Variants in TMEM67 observed in about 807,000 individuals in gnomAD.
The protein encoded by TMEM67 is transmembrane protein 67.
Under a neutral mutation model 136.6 loss-of-function variants are expected in TMEM67, and 124 were observed. The observed-to-expected ratio is 0.91, with a 90% confidence interval of 0.78 to 1.05. The LOEUF (loss-of-function observed/expected upper bound fraction) is 1.05, where lower values mean the gene tolerates loss of function less well. Ranked by LOEUF, TMEM67 falls within the 50% of genes least tolerant of loss-of-function variation. The probability of loss-of-function intolerance (pLI) is 0.00; values close to 1 mark genes in which losing one functional copy is unlikely to be tolerated. For synonymous variants in TMEM67, 364 were observed against 390.5 expected (o/e 0.93, Z 0.80); for missense variants, 1,107 against 1,178.4 (o/e 0.94, Z 0.89).
At position 93,804,829 on chromosome 8, in the gene TMEM67, A is replaced by G; in HGVS notation, c.2390A>G (p.His797Arg). ...YYIHGRSVHG[H>R]ADTNMEEMNM... is the part of the protein sequence containing the mutation. ...ATTCATGGTAGATCAGTACATGGGC[A>G]TGCAGATACTAATATGGAAGAAATG... Residue 797 changes from histidine to arginine, a missense_variant, in exon 23 of 28, where the codon CAT becomes CGT. By Grantham distance (29) the His-to-Arg change is conservative. Coordinates refer to ENST00000453321, the MANE Select transcript of TMEM67 (RefSeq NM_153704.6). The G allele has an allele frequency of 3.7e-6, 6 of 1,608,026 alleles. No individual in the cohort carries two copies. The highest frequency in any genetic ancestry group is 4.3e-6 in the Non-Finnish European group (5 of 1,174,726).
chr8:93,814,100 A>T (rs1356964717), intron 26 of TMEM67, among the ~76,000 whole-genome samples: 5 of 149,062 alleles, frequency 3.4e-5, no homozygotes, highest in African/African-American at 1.2e-4. Flanking sequence ...TTTCCCTGAA[A>T]TTGTTTAATT....
chr8:93,755,262 C>T lies in TMEM67; in HGVS notation c.223+125C>T, dbSNP rs1323325779. ...CTCGAACTTCTGACCTCAGGTGATC[C>T]ACCCGCCTCCGCCTCCCAAAGTGCT... On this transcript the variant is annotated intron_variant, in intron 1 of 27. Coordinates refer to ENST00000453321, the MANE Select transcript of TMEM67 (RefSeq NM_153704.6). 9.5e-6 allele frequency: 9 copies of T among 950,366 alleles called. No homozygotes were observed. The Admixed American group carries it at 1.7e-4, about 18-fold the overall frequency. The allele number at this position is 950,366 out of a possible 1,614,324, so 58.9% of individuals were successfully genotyped here.
chr8:93,764,501 AAC>A (rs5893257), intron 4 of TMEM67, among the ~76,000 whole-genome samples: 132,798 of 149,918 alleles, frequency 0.89, 58,965 homozygotes, highest in Middle Eastern at 0.98. Context: ...GTATTTGTGA[AAC>A]ACACACACAC....
intron 23 of TMEM67, among the ~76,000 whole-genome samples, chr8:93,806,499 A>G (rs545084386): frequency 1.3e-5 from 2 of 152,294 alleles, no homozygotes; most frequent in South Asian, 4.1e-4. Flanking sequence ...AAATATTAGT[A>G]ATTGCTGAAG....
rs146442983 is a variant in TMEM67 at position 93,778,644 on chromosome 8, C to G, written c.715-1949C>G. 6.3e-3 allele frequency among the ~76,000 whole-genome samples: 952 copies of G among 152,226 alleles called. 10 individuals carry two copies. Among genetic ancestry groups the G allele is most frequent in the African/African-American group, 0.022 (895 of 41,548 alleles). On this transcript the variant is annotated intron_variant, in intron 7 of 27. Transcript: ENST00000453321. ...AGTTTGGCTGGATATGAAATTCTGGCTTGAAAATTCTTTTCTTTAAGAATG... is the reference window on the plus strand; with the variant it reads ...AGTTTGGCTGGATATGAAATTCTGGGTTGAAAATTCTTTTCTTTAAGAATG...
intron 16 of TMEM67, 125 bp from the exon 17 acceptor site, chr8:93,795,284 G>A (rs1814557675): frequency 2.4e-6 from 2 of 821,196 alleles, no homozygotes; most frequent in African/African-American, 1.7e-5. Context: ...GATCATATGG[G>A]GATATGTGAA....
At chr8:93,826,699 T>G in the TMEM67 span, among the ~76,000 whole-genome samples, 3 of 152,242 alleles carry the variant, frequency 2.0e-5, no homozygotes, top group Non-Finnish European at 2.9e-5. Flanking sequence ...TTCCCTAATG[T>G]CATGATCCAC....
chr8:93,798,267 G>C (rs1358317543), intron 20 of TMEM67, among the ~76,000 whole-genome samples: 1 of 152,030 alleles, frequency 6.6e-6, no homozygotes, highest in Non-Finnish European at 1.5e-5. Context: ...CTATGCTCAG[G>C]CTCACCCTTA....
At position 93,755,075 on chromosome 8, in the gene TMEM67, ACTTTGATAT is replaced by A; in HGVS notation, c.164_172del (p.Phe55_Ile57del). 2 of 1,614,196 alleles carry A rather than the reference ACTTTGATAT, an allele frequency of 1.2e-6. No individual in the cohort carries two copies. Among genetic ancestry groups the A allele is most frequent in the East Asian group, 2.2e-5 (1 of 44,880 alleles). On this transcript the variant is annotated inframe_deletion, in exon 1 of 28. Transcript: ENST00000453321. Reference sequence around the variant, plus strand: ...CCGGAGAAGTGCGACAACAACCAGTACTTTGATATCTCCGCCCTCTCGTGTGTTCCTTGT... The same window carrying A: ...CCGGAGAAGTGCGACAACAACCAGTACTCCGCCCTCTCGTGTGTTCCTTGT...
rs1419647098 is a variant in TMEM67 at position 93,780,999 on chromosome 8, T to C, written c.978+17T>C. The C allele has an allele frequency of 1.5e-6, 2 of 1,342,840 alleles. No individual in the cohort carries two copies. Among genetic ancestry groups the C allele is most frequent in the South Asian group, 2.3e-5 (2 of 85,546 alleles). 83.2% of individuals were successfully genotyped at this position (1,342,840 alleles called of 1,614,324 possible). A position where few individuals can be genotyped will look rare whatever the true frequency, so the allele number is the denominator to read the frequency against. ...GAAAACCAGGTAAAAGTGTCTAATA[T>C]CATTAGAGGATAACTACATTTTGAT... On this transcript the variant is annotated intron_variant, in intron 9 of 27. Transcript: ENST00000453321.
intron 14 of TMEM67, 49 bp downstream of exon 14, chr8:93,787,998 T>A: frequency 7.3e-7 from 1 of 1,374,506 alleles, no homozygotes; most frequent in Non-Finnish European, 1.0e-6. Flanking sequence ...TAGAGTATAA[T>A]ACTGATTCAG....
At chr8:93,829,361 G>GCT in the TMEM67 span, among the ~76,000 whole-genome samples, 306 of 148,498 alleles carry the variant, frequency 2.1e-3, no homozygotes, top group South Asian at 8.0e-3. Flanking sequence ...CTTTATGAGT[G>GCT]CTCTCTCTCT....
At chr8:93,808,348 TTTA>T (rs1389083331) in intron 23 of TMEM67, among the ~76,000 whole-genome samples, 72 of 138,180 alleles carry the variant, frequency 5.2e-4, no homozygotes, top group African/African-American at 1.4e-3. Flanking sequence ...AATATATATA[TTTA>T]TTATAGATAT....
intron 7 of TMEM67, among the ~76,000 whole-genome samples, chr8:93,776,028 T>C (rs1417813891): frequency 3.9e-5 from 6 of 152,216 alleles, no homozygotes; most frequent in Non-Finnish European, 5.9e-5. Flanking sequence ...CTTTATTTCA[T>C]TGAGCAGTGG....
chr8:93,813,461 G>T (rs1267122103), intron 26 of TMEM67, among the ~76,000 whole-genome samples: 1 of 152,210 alleles, frequency 6.6e-6, no homozygotes, highest in Non-Finnish European at 1.5e-5. Context: ...TTACAGGTGT[G>T]AGCCACTGTG....
chr8:93,761,162 G>T (rs943739930), intron 3 of TMEM67, among the ~76,000 whole-genome samples: 3 of 152,122 alleles, frequency 2.0e-5, no homozygotes, highest in African/African-American at 7.2e-5. Context: ...AGCCTGGCAT[G>T]GTGGCACATG....
intron 4 of TMEM67, among the ~76,000 whole-genome samples, chr8:93,764,602 A>G (rs1340895229): frequency 6.6e-6 from 1 of 152,180 alleles, no homozygotes; most frequent in African/African-American, 2.4e-5. Context: ...TTAGAGGCCT[A>G]CATCATGACT....
chr8:93,816,466 T>A lies in TMEM67; in HGVS notation c.*14T>A, dbSNP rs1319265620. The A allele has an allele frequency of 6.7e-7, 1 of 1,484,694 alleles. No individual in the cohort carries two copies. The highest frequency in any genetic ancestry group is 1.7e-5 in the Admixed American group (1 of 59,334). 92.0% of individuals were successfully genotyped at this position (1,484,694 alleles called of 1,614,324 possible). ...TTTTTGATTTAACTTCCTGAATAAA[T>A]AACTTAAAGACTCAGTATAATCATG... On this transcript the variant is annotated 3_prime_UTR_variant, in exon 28 of 28. Coordinates refer to ENST00000453321, the MANE Select transcript of TMEM67 (RefSeq NM_153704.6).
Position 93,780,495 on chromosome 8 carries a change from A to G in TMEM67, c.715-98A>G. The G allele has an allele frequency of 6.6e-6, 9 of 1,367,290 alleles. No homozygotes were observed. The Middle Eastern group carries it at 6.8e-4, about 104-fold the overall frequency. The allele number at this position is 1,367,290 out of a possible 1,614,324, so 84.7% of individuals were successfully genotyped here. On this transcript the variant is annotated intron_variant, in intron 7 of 27. Coordinates refer to ENST00000453321, the MANE Select transcript of TMEM67 (RefSeq NM_153704.6). Reference sequence around the variant, plus strand: ...AGACCGGAGCTGTTCCTACTCGGCCATCTTGGAACAGACCTGCACAAAGTA... The same window carrying G: ...AGACCGGAGCTGTTCCTACTCGGCCGTCTTGGAACAGACCTGCACAAAGTA...
Sources: gnomAD v4.1 joint callset for allele counts (sites outside exome capture counted in the v4.1 genomes callset) on GRCh38, gnomAD v4.1.1 for gene constraint, MANE v1.5 for transcripts, NCBI Gene and HGNC (gene_info 2026-07-23, HGNC 2026-07-21) for gene names.